The following TASOR2 variants were observed in gnomAD, a reference collection of about 807,000 sequenced individuals.
The protein encoded by TASOR2 is protein TASOR 2.
A neutral mutation model predicts 199.5 loss-of-function variants in TASOR2; 84 were observed. The ratio of observed to expected loss-of-function variants is 0.42; its 90% confidence interval spans 0.35 to 0.50. The LOEUF (loss-of-function observed/expected upper bound fraction) is 0.50. Ranked by LOEUF, TASOR2 falls within the 20% of genes least tolerant of loss-of-function variation. The pLI is 0.02. For synonymous variants in TASOR2, 1,103 were observed against 1,046.6 expected, an observed-to-expected ratio of 1.05 and a Z score of -1.04; for missense variants, 2,796 against 2,835.9, an observed-to-expected ratio of 0.99 and a Z score of 0.32.
At chr10:5,721,078 T>A (rs1833302870) in intron 6 of TASOR2, 108 bp downstream of exon 7, 1 of 785,596 alleles carries the variant, frequency 1.3e-6, no homozygotes, top group African/African-American at 1.7e-5. Flanking sequence ...ACAGCAACTG[T>A]TCTTGATTTT....
chr10:5,732,741 C>T (rs747096003), intron 11 of TASOR2, among the ~76,000 whole-genome samples: 15 of 152,024 alleles, frequency 9.9e-5, no homozygotes, highest in Non-Finnish European at 1.9e-4. Flanking sequence ...GTAGAGATGA[C>T]GTCTTGCTAT....
In TASOR2 at chr10:5,763,001, GTTCTTTATCAATTTTGTGT is replaced by G. The variant is rs1436125557; in HGVS notation, c.7290-22_7290-4del. 3 of 1,607,526 alleles carry G rather than the reference GTTCTTTATCAATTTTGTGT, an allele frequency of 1.9e-6. No individual in the cohort carries two copies. Among genetic ancestry groups the G allele is most frequent in the Non-Finnish European group, 2.6e-6 (3 of 1,175,862 alleles). On this transcript the variant is annotated splice_polypyrimidine_tract_variant and intron_variant, in intron 20 of 20. Coordinates refer to ENST00000328090, the Ensembl canonical transcript of TASOR2. ...TTTCTTGTTCGTATTATTTTAAGAA[GTTCTTTATCAATTTTGTGT>G]TTCTTCAGGTGACTCAACTACAGCC...
chr10:5,748,300 G>A lies in TASOR2; in HGVS notation c.4879G>A (p.Glu1627Lys). 1.2e-6 allele frequency: 2 copies of A among 1,614,220 alleles called. No individual in the cohort carries two copies. The highest frequency in any genetic ancestry group is 1.7e-6 in the Non-Finnish European group (2 of 1,180,048). Reference sequence around the variant, plus strand: ...CTTTCCCGGTGATTTGAAAACAGATGAAGGCATTTATCTGCAGGTGAAGTC... The same window carrying A: ...CTTTCCCGGTGATTTGAAAACAGATAAAGGCATTTATCTGCAGGTGAAGTC... The change falls in exon 15 of 21, where the codon GAA (glutamate) becomes AAA (lysine). Residue 1627 changes from glutamate to lysine, a missense_variant. This residue lies in a region of TASOR2 where 1,941 missense variants were observed against 1,924.9 expected (regional missense o/e 1.01). Transcript: ENST00000328090. This position sits in a 1 kb window ranked among gnomAD's most constrained non-coding sequence, Gnocchi z 5.1.
Position 5,720,751 on chromosome 10 carries a change from C to G in TASOR2, c.27-4C>G. On this transcript the variant is annotated splice_polypyrimidine_tract_variant and splice_region_variant and intron_variant, in intron 4 of 20. Transcript: ENST00000328090. The surrounding 1 kb of genome is among the most constrained non-coding windows in gnomAD (Gnocchi z 5.3). ...CATGTTCTTTTTCTTTCTTTTTCTGCTAGACTTGAACGCAGTGAAAATGGT... is the reference window on the plus strand; with the variant it reads ...CATGTTCTTTTTCTTTCTTTTTCTGGTAGACTTGAACGCAGTGAAAATGGT... 1 of 1,612,694 alleles carries G rather than the reference C, an allele frequency of 6.2e-7. No homozygotes were observed. The highest frequency in any genetic ancestry group is 1.1e-5 in the South Asian group (1 of 90,970).
rs1401648094 is a variant in TASOR2, at chr10:5,722,290, A to G, written c.146+1320A>G. On this transcript the variant is annotated intron_variant, in intron 6 of 20. Transcript: ENST00000328090. This position sits in a 1 kb window ranked among gnomAD's most constrained non-coding sequence, Gnocchi z 4.0. ...GGCAACATGGCGAAACCCTCTCCCT[A>G]ATAAAAATACAAAAAATTAGCCGGG... Among the ~76,000 whole-genome samples the G allele has an allele frequency of 6.6e-6, 1 of 152,084 alleles. No individual in the cohort carries two copies. Among genetic ancestry groups the G allele is most frequent in the Non-Finnish European group, 1.5e-5 (1 of 68,024 alleles).
rs1187241903 is a variant in TASOR2 at position 5,742,266 on chromosome 10, T to G, written c.2497T>G (p.Cys833Gly). 5.0e-6 allele frequency: 8 copies of G among 1,614,070 alleles called. No individual in the cohort carries two copies. Among genetic ancestry groups the G allele is most frequent in the African/African-American group, 4.0e-5 (3 of 74,932 alleles). ...GTCTATAAATAGCACGTTAGAATCT[T>G]GTGAGCTCCGTGAAATTGAGGAGTC... The change falls in exon 14 of 21, where the codon TGT (cysteine) becomes GGT (glycine). Residue 833 changes from cysteine (C) to glycine (G), a missense_variant. By Grantham distance (159) the Cys-to-Gly change is radical (BLOSUM62 -3). Around this residue, in one of 3 missense-constraint regions of TASOR2, gnomAD observed 1,941 missense variants for 1,924.9 expected, o/e 1.01. Coordinates refer to ENST00000328090, the Ensembl canonical transcript of TASOR2. This position sits in a 1 kb window ranked among gnomAD's most constrained non-coding sequence, Gnocchi z 4.2.
chr10:5,708,806 A>G (rs1326730096), intron 1 of TASOR2, among the ~76,000 whole-genome samples: 1 of 151,876 alleles, frequency 6.6e-6, no homozygotes, highest in Non-Finnish European at 1.5e-5. Context: ...GACTCAAGCC[A>G]TCGTCCCACC....
At chr10:5,746,603 A>T (rs1837250746) in exon 15 of TASOR2, 2 of 1,614,096 alleles carry the variant, frequency 1.2e-6, no homozygotes, top group Admixed American at 1.7e-5. Flanking sequence ...AAAAATGCAC[A>T]TGTACCAATA....
At chr10:5,707,740 A>G (rs981330645) in intron 1 of TASOR2, among the ~76,000 whole-genome samples, 9 of 76,774 alleles carry the variant, frequency 1.2e-4, no homozygotes, top group African/African-American at 3.1e-4. Flanking sequence ...ACACACACAC[A>G]CACACACACA....
chr10:5,760,081 A>C (rs1402500958), intron 18 of TASOR2, among the ~76,000 whole-genome samples: 1 of 152,216 alleles, frequency 6.6e-6, no homozygotes, highest in Non-Finnish European at 1.5e-5. Context: ...TCATAAGACG[A>C]TTTTGTCTAT....
At position 5,747,460 on chromosome 10, in the gene TASOR2, C is replaced by G. The variant is rs1170589433; in HGVS notation, c.4039C>G (p.Pro1347Ala). 14 of 1,613,878 alleles carry G rather than the reference C, an allele frequency of 8.7e-6. No homozygotes were observed. The highest frequency in any genetic ancestry group is 1.2e-5 in the Non-Finnish European group (14 of 1,179,974). Residue 1347 changes from proline (P) to alanine (A), a missense_variant, in exon 15 of 21, where the codon CCC becomes GCC. Physicochemically the swap from Pro to Ala is conservative, Grantham distance 27. This residue lies in a region of TASOR2 where 1,941 missense variants were observed against 1,924.9 expected (regional missense o/e 1.01). Coordinates refer to ENST00000328090, the Ensembl canonical transcript of TASOR2. Reference sequence around the variant, plus strand: ...TTCTGCTGACAATGTGTCAGTATATCCCTCAGTGTCAGAAGAACCAGTAGA... The same window carrying G: ...TTCTGCTGACAATGTGTCAGTATATGCCTCAGTGTCAGAAGAACCAGTAGA...
At chr10:5,691,424 A>G (rs1313362864) in intron 1 of TASOR2, among the ~76,000 whole-genome samples, 1 of 152,212 alleles carries the variant, frequency 6.6e-6, no homozygotes, top group Non-Finnish European at 1.5e-5. Context: ...TGAAAAAGTC[A>G]TAGTACATAG....
intron 15 of TASOR2, among the ~76,000 whole-genome samples, chr10:5,756,195 G>A (rs1838919767): frequency 6.6e-6 from 1 of 152,040 alleles, no homozygotes; most frequent in South Asian, 2.1e-4. Flanking sequence ...TAGACCCAAG[G>A]GACTGCTGAC....
At chr10:5,746,127 A>C (rs1470541751) in intron 14 of TASOR2, 52 bp from the exon 16 acceptor site, 1 of 1,492,016 alleles carries the variant, frequency 6.7e-7, no homozygotes, top group Non-Finnish European at 8.9e-7. Context: ...TAATCGTATA[A>C]AAAACATTTT....
chr10:5,739,638 A>G (rs777426366), exon 13 of TASOR2: 10 of 1,612,636 alleles, frequency 6.2e-6, no homozygotes, highest in Admixed American at 1.7e-5. Flanking sequence ...AACTGCTTCA[A>G]AGCTTCAATC....
chr10:5,763,066 CAATAAAA>C (rs1262411274), exon 21 of TASOR2: 1 of 1,605,284 alleles, frequency 6.2e-7, no homozygotes, highest in East Asian at 2.3e-5. Flanking sequence ...TGGATGATGC[CAATAAAA>C]AATTAGTATT....
chr10:5,707,807 GAAC>G (rs1831313338), intron 1 of TASOR2, among the ~76,000 whole-genome samples: 1 of 149,934 alleles, frequency 6.7e-6, no homozygotes, highest in African/African-American at 2.5e-5. Flanking sequence ...CCTGATACCT[GAAC>G]AAAATTGTGG....
At chr10:5,755,357 G>A (rs952592525) in intron 15 of TASOR2, among the ~76,000 whole-genome samples, 3 of 152,066 alleles carry the variant, frequency 2.0e-5, no homozygotes, top group African/African-American at 7.2e-5. Context: ...CGGATCGCTT[G>A]AAGTCAGGAG....
At chr10:5,723,845 A>G (rs1434912108) in intron 7 of TASOR2, 68 bp downstream of exon 8, 2 of 994,262 alleles carry the variant, frequency 2.0e-6, no homozygotes, top group East Asian at 2.6e-5. Flanking sequence ...GCTCTCTTCC[A>G]AACACTCACA....
Sources: gnomAD v4.1 joint callset for allele counts (sites outside exome capture counted in the v4.1 genomes callset) on GRCh38, gnomAD v4.1.1 for gene constraint, gnomAD v4.1.1 regional missense constraint, Gnocchi (gnomAD v3.1) non-coding constraint, MANE v1.5 for transcripts, NCBI Gene and HGNC (gene_info 2026-07-23, HGNC 2026-07-21) for gene names.